The following DNAJA3 variants were observed in gnomAD, a reference collection of about 807,000 sequenced individuals.
The protein encoded by DNAJA3 is DnaJ heat shock protein family (Hsp40) member A3, also known as dnaJ homolog subfamily A member 3, mitochondrial.
DNAJA3 carries 29 observed loss-of-function variants against 54.9 expected under a neutral mutation model. The observed-to-expected ratio is 0.53, with a 90% confidence interval of 0.39 to 0.72. The LOEUF (loss-of-function observed/expected upper bound fraction) is 0.72, where lower values mean the gene tolerates loss of function less well. Ranked by LOEUF, DNAJA3 falls within the 30% of genes least tolerant of loss-of-function variation. The probability of loss-of-function intolerance (pLI) is 0.00; values close to 1 mark genes in which losing one functional copy is unlikely to be tolerated. For synonymous variants in DNAJA3, 302 were observed against 251.4 expected, an observed-to-expected ratio of 1.20 and a Z score of -1.90; for missense variants, 708 against 639.4, an observed-to-expected ratio of 1.11 and a Z score of -1.16.
intron 7 of DNAJA3, among the ~76,000 whole-genome samples, chr16:4,445,323 C>T (rs570412144): frequency 1.3e-5 from 2 of 152,332 alleles, no homozygotes; most frequent in East Asian, 1.9e-4. Flanking sequence ...AGGGATGCTC[C>T]AGGCGTTGCA....
At chr16:4,447,036 T>A in intron 8 of DNAJA3, 22 bp downstream of exon 8, 1 of 1,610,322 alleles carries the variant, frequency 6.2e-7, no homozygotes, top group Non-Finnish European at 8.5e-7. Flanking sequence ...TGAGAACACC[T>A]TTGTCACCCC....
rs763446342 is a variant in DNAJA3 at position 4,437,394 on chromosome 16, T to C, written c.346-8T>C. On this transcript the variant is annotated splice_region_variant and splice_polypyrimidine_tract_variant and intron_variant, in intron 2 of 11. Coordinates refer to ENST00000262375, the MANE Select transcript of DNAJA3 (RefSeq NM_005147.6). ...TATCTGGAGTAATTTATCATGTTTT[T>C]CCCTTAGCTTGCCAAGAAGTATCAC... 1 of 1,613,262 alleles carries C rather than the reference T, an allele frequency of 6.2e-7. No homozygotes were observed. The highest frequency in any genetic ancestry group is 8.5e-7 in the Non-Finnish European group (1 of 1,179,400).
At chr16:4,437,089 G>A (rs964349797) in intron 2 of DNAJA3, among the ~76,000 whole-genome samples, 1 of 152,132 alleles carries the variant, frequency 6.6e-6, no homozygotes, top group Non-Finnish European at 1.5e-5. Context: ...TCGTGCTTCA[G>A]CCTCCTGAGT....
chr16:4,430,564 A>C (rs2056684888), intron 1 of DNAJA3: 3 of 135,126 alleles, frequency 2.2e-5, no homozygotes, highest in Non-Finnish European at 3.1e-5. Context: ...ACTCCCTGTC[A>C]AAAAAAAAAA....
At chr16:4,447,181 C>G (rs2056913098) in intron 8 of DNAJA3, 167 bp downstream of exon 8, 2 of 730,486 alleles carry the variant, frequency 2.7e-6, no homozygotes, top group South Asian at 1.9e-5. Flanking sequence ...GTGTGGACCA[C>G]AAGCCACAGG....
At position 4,442,271 on chromosome 16, in the gene DNAJA3, T is replaced by C. The variant is rs781650765; in HGVS notation, c.634T>C (p.Phe212Leu). 9 of 1,589,742 alleles carry C rather than the reference T, an allele frequency of 5.7e-6. No individual in the cohort carries two copies. Among genetic ancestry groups the C allele is most frequent in the African/African-American group, 1.4e-5 (1 of 74,058 alleles). Residue 212 changes from phenylalanine (F) to leucine (L), a missense_variant, in exon 5 of 12, where the codon TTC becomes CTC. Phe to Leu is a conservative substitution (Grantham distance 22). Coordinates refer to ENST00000262375, the MANE Select transcript of DNAJA3 (RefSeq NM_005147.6). ...QTVFDQPQEY[F>L]MELTFNQAAK... The stretch of plus-strand genomic sequence containing the variant: ...GGCTGTCCCTTGGTTTCTTTAGTAC[T>C]TCATGGAGTTGACATTCAATCAAGC...
intron 10 of DNAJA3, among the ~76,000 whole-genome samples, chr16:4,451,777 A>G (rs868522744): frequency 3.5e-4 from 48 of 138,818 alleles, no homozygotes; most frequent in African/African-American, 1.3e-3. Context: ...AAAAAAAAAA[A>G]GGGCCTGGCG....
At chr16:4,430,277 G>A (rs1055355394) in intron 1 of DNAJA3, among the ~76,000 whole-genome samples, 2 of 151,956 alleles carry the variant, frequency 1.3e-5, no homozygotes, top group Non-Finnish European at 2.9e-5. Flanking sequence ...AAAGAAAGCA[G>A]TTGTTGGTGG....
intron 1 of DNAJA3, among the ~76,000 whole-genome samples, chr16:4,429,563 G>A (rs2056668204): frequency 6.6e-6 from 1 of 152,172 alleles, no homozygotes; most frequent in African/African-American, 2.4e-5. Context: ...GGCCGGACAT[G>A]GTGGCTCACG....
chr16:4,448,054 G>C (rs2056925463), intron 8 of DNAJA3: 1 of 109,606 alleles, frequency 9.1e-6, no homozygotes, highest in Non-Finnish European at 1.7e-5. Flanking sequence ...TTTTGAGACA[G>C]AGTCTTGCTC....
chr16:4,442,576 C>G, intron 5 of DNAJA3, 156 bp downstream of exon 5: 1 of 862,010 alleles, frequency 1.2e-6, no homozygotes, highest in South Asian at 2.5e-5. Context: ...GGAGACGAGC[C>G]TGTGCTCCTC....
chr16:4,452,369 C>T (rs942897000), intron 10 of DNAJA3, among the ~76,000 whole-genome samples: 2 of 152,116 alleles, frequency 1.3e-5, no homozygotes, highest in Admixed American at 6.6e-5. Context: ...AGGTGTGCTA[C>T]GGCCGGGCCC....
chr16:4,432,404 G>A (rs2056715677), intron 1 of DNAJA3, among the ~76,000 whole-genome samples: 1 of 148,702 alleles, frequency 6.7e-6, no homozygotes, highest in Non-Finnish European at 1.5e-5. Context: ...GTGCAATGGC[G>A]CGATCTTGGC....
intron 3 of DNAJA3, among the ~76,000 whole-genome samples, chr16:4,438,274 G>A (rs1269336017): frequency 4.6e-5 from 7 of 150,766 alleles, no homozygotes; most frequent in South Asian, 2.1e-4. Flanking sequence ...CTGAGATTGC[G>A]CCACTGCACT....
intron 7 of DNAJA3, among the ~76,000 whole-genome samples, chr16:4,446,241 GA>G (rs1223441329): frequency 1.5e-4 from 21 of 142,890 alleles, no homozygotes; most frequent in East Asian, 4.2e-4. Context: ...AATAAAGTAA[GA>G]TTTTTTTTTT....
rs1402725420 is a variant in DNAJA3, at chr16:4,425,911, G to A, written c.30G>A (p.Leu10=). Reference sequence around the variant, plus strand: ...CTGCGCGGTGCTCCACACGCTGGTTGCTGGTGGTTGTGGGGACCCCGCGGC... The same window carrying A: ...CTGCGCGGTGCTCCACACGCTGGTTACTGGTGGTTGTGGGGACCCCGCGGC... MAARCSTRW[L]LVVVGTPRLP... Residue 10 remains leucine (L), a synonymous_variant, in exon 1 of 12, where the codon TTG becomes TTA. Transcript: ENST00000262375. 1 of 1,546,108 alleles carries A rather than the reference G, an allele frequency of 6.5e-7. No homozygotes were observed. Among genetic ancestry groups the A allele is most frequent in the East Asian group, 2.5e-5 (1 of 40,504 alleles).
rs1306570731 is a variant in DNAJA3, at chr16:4,426,061, G to A, written c.180G>A (p.Leu60=). 5 of 1,602,556 alleles carry A rather than the reference G, an allele frequency of 3.1e-6. No homozygotes were observed. In the Admixed American group the frequency reaches 5.1e-5, roughly 16 times the overall value. ...SSLTSCGPRA[L]LTLRPGVSLT... is the part of the protein sequence containing the mutation. Reference sequence around the variant, plus strand: ...TGACCTCTTGCGGCCCCCGAGCGCTGCTGACATTGAGACCTGGTGTCAGCC... The same window carrying A: ...TGACCTCTTGCGGCCCCCGAGCGCTACTGACATTGAGACCTGGTGTCAGCC... The change falls in exon 1 of 12, where the codon CTG becomes CTA. Residue 60 remains leucine (L), a synonymous_variant. Transcript: ENST00000262375.
At chr16:4,445,927 T>G (rs913008740) in intron 7 of DNAJA3, among the ~76,000 whole-genome samples, 19 of 125,532 alleles carry the variant, frequency 1.5e-4, no homozygotes, top group Non-Finnish European at 2.9e-4. Context: ...CTTTTTTTTC[T>G]TTTTTTTTTC....
intron 1 of DNAJA3, chr16:4,431,779 T>A (rs970297350): frequency 2.0e-5 from 3 of 152,162 alleles, no homozygotes; most frequent in African/African-American, 7.2e-5. Flanking sequence ...GATTTCACCA[T>A]GTTGGCCAGC....
Sources: gnomAD v4.1 joint callset for allele counts (sites outside exome capture counted in the v4.1 genomes callset) on GRCh38, gnomAD v4.1.1 for gene constraint, MANE v1.5 for transcripts, NCBI Gene and HGNC (gene_info 2026-07-23, HGNC 2026-07-21) for gene names.